USP31: variants seen among roughly 807,000 people sequenced by gnomAD.
The protein encoded by USP31 is ubiquitin specific peptidase 31.
In USP31, 44 loss-of-function variants were observed where a neutral mutation model predicts 119.4. The observed-to-expected ratio is 0.37, with a 90% CI of 0.29 to 0.47. The LOEUF (loss-of-function observed/expected upper bound fraction) is 0.47, where lower values mean the gene tolerates loss of function less well. Among genes scored for constraint, USP31 ranks in the 20% least tolerant of loss-of-function variants. The probability of loss-of-function intolerance (pLI) is 0.99; values close to 1 mark genes in which losing one functional copy is unlikely to be tolerated. For synonymous variants in USP31, 749 were observed against 705.6 expected (o/e 1.06, Z -0.97); for missense variants, 1,643 against 1,730.2 (o/e 0.95, Z 0.89).
chr16:23,084,958 G>C lies in USP31; in HGVS notation c.1732C>G (p.Pro578Ala), dbSNP rs373026274. 37 of 1,613,896 alleles carry C rather than the reference G, an allele frequency of 2.3e-5. No individual in the cohort carries two copies. Among genetic ancestry groups the C allele is most frequent in the Non-Finnish European group, 2.2e-5 (26 of 1,180,008 alleles). Reference protein sequence around the residue: ...LFVNTEDEYIPDAESVRLQRE... With the variant: ...LFVNTEDEYIADAESVRLQRE... ...TGCAGACGAACACTTTCTGCATCAG[G>C]AATATACTCATCCTCAGTATTTACA... Residue 578 changes from proline to alanine, a missense_variant, in exon 11 of 16, where the codon CCT (proline) becomes GCT (alanine). Physicochemically the swap from Pro to Ala is conservative, Grantham distance 27. Around this residue, in one of 5 missense-constraint regions of USP31, gnomAD observed 279 missense variants for 372.2 expected, o/e 0.75. Coordinates refer to ENST00000219689, the MANE Select transcript of USP31 (RefSeq NM_020718.4).
chr16:23,093,705 G>T (rs564370973), intron 6 of USP31, among the ~76,000 whole-genome samples: 1 of 152,108 alleles, frequency 6.6e-6, no homozygotes, highest in East Asian at 1.9e-4. Context: ...CTGAAAACAG[G>T]TATTCAAACA....
chr16:23,062,618 TCA>T lies in USP31; in HGVS notation c.*5426_*5427del, dbSNP rs1297540496. The T allele has an allele frequency of 1.3e-5, 2 of 152,440 alleles. No homozygotes were observed. The highest frequency in any genetic ancestry group is 2.9e-5 in the Non-Finnish European group (2 of 68,026). 9.4% of individuals were successfully genotyped at this position (152,440 alleles called of 1,614,324 possible). ...CTTTTCTTCTTCGACAATTTCTAGC[TCA>T]GAGTGACTTCCCTATTCCCCCACGG... On this transcript the variant is annotated 3_prime_UTR_variant, in exon 16 of 16. Coordinates refer to ENST00000219689, the MANE Select transcript of USP31 (RefSeq NM_020718.4).
intron 1 of USP31, among the ~76,000 whole-genome samples, chr16:23,121,194 G>C (rs577752435): frequency 6.6e-6 from 1 of 152,120 alleles, no homozygotes; most frequent in Non-Finnish European, 1.5e-5. Context: ...TAAACCCAGA[G>C]TACTCCCAGT....
intron 1 of USP31, among the ~76,000 whole-genome samples, chr16:23,138,747 T>C (rs1467079954): frequency 6.6e-6 from 1 of 152,016 alleles, no homozygotes; most frequent in Non-Finnish European, 1.5e-5. Context: ...TTTGCTGCCC[T>C]GCAAAGGACT....
chr16:23,084,803 G>GCCATGCC, intron 11 of USP31, 57 bp downstream of exon 11: 1 of 1,599,718 alleles, frequency 6.3e-7, no homozygotes, highest in Non-Finnish European at 8.5e-7. Context: ...CTATCACCTT[G>GCCATGCC]CCATGCCCCA....
chr16:23,089,229 C>T (rs1416322909), intron 7 of USP31, among the ~76,000 whole-genome samples: 3 of 152,188 alleles, frequency 2.0e-5, no homozygotes, highest in Non-Finnish European at 2.9e-5. Context: ...GTTCACACAG[C>T]ACACTGGGGC....
intron 12 of USP31, among the ~76,000 whole-genome samples, chr16:23,081,085 T>C (rs1053688448): frequency 6.6e-6 from 1 of 152,128 alleles, no homozygotes; most frequent in African/African-American, 2.4e-5. Flanking sequence ...GCACGCTGTC[T>C]GACAGCAAGA....
chr16:23,071,358 A>ATTC (rs1567224568), intron 15 of USP31, among the ~76,000 whole-genome samples: 1 of 150,612 alleles, frequency 6.6e-6, no homozygotes, highest in Admixed American at 6.6e-5. Flanking sequence ...AGCTGCACTC[A>ATTC]CTCCTTCCAG....
chr16:23,079,985 A>C lies in USP31; in HGVS notation c.2137T>G (p.Cys713Gly). ...CCTTGCATGGTGCCATGGTGATTGC[A>C]CACAGCATACAGGTCATAGATGTAG... ...EDYIYDLYAV[C>G]NHHGTMQGGH... The change falls in exon 13 of 16, where the codon TGC (cysteine) becomes GGC (glycine). Residue 713 changes from cysteine to glycine, a missense_variant. Cys to Gly is a radical substitution (Grantham distance 159). Transcript: ENST00000219689. 6.2e-7 allele frequency: 1 copy of C among 1,613,866 alleles called. No homozygotes were observed.
In USP31 at chr16:23,087,771, T is replaced by C. The variant is rs1191312472; in HGVS notation, c.1480A>G (p.Ile494Val). 6.2e-7 allele frequency: 1 copy of C among 1,614,128 alleles called. No individual in the cohort carries two copies. Among genetic ancestry groups the C allele is most frequent in the Admixed American group, 1.7e-5 (1 of 60,016 alleles). The stretch of plus-strand genomic sequence containing the variant: ...AAGAAATACTTCATCTTCTCCAAGA[T>C]TTCCTTCTGCAGAAGGTCCCAAGCT... ...TIAWDLLQKE[I>V]LEKMKYFLRP... Residue 494 changes from isoleucine (I) to valine (V), a missense_variant, in exon 8 of 16, where the codon ATC (isoleucine) becomes GTC (valine). Around this residue, in one of 5 missense-constraint regions of USP31, gnomAD observed 219 missense variants for 226.4 expected, o/e 0.97. Coordinates refer to ENST00000219689, the MANE Select transcript of USP31 (RefSeq NM_020718.4).
intron 1 of USP31, among the ~76,000 whole-genome samples, chr16:23,129,075 T>C (rs1298029693): frequency 2.0e-5 from 3 of 152,212 alleles, no homozygotes; most frequent in African/African-American, 7.2e-5. Context: ...TTTATGTCAC[T>C]TTTCTATTAA....
chr16:23,077,470 CA>C (rs1212474822), intron 13 of USP31, among the ~76,000 whole-genome samples: 15 of 152,120 alleles, frequency 9.9e-5, no homozygotes, highest in African/African-American at 3.4e-4. Context: ...GTAGCAAGGC[CA>C]ACGGACTCCT....
chr16:23,149,393 T>A lies in USP31; in HGVS notation c.-123A>T. On this transcript the variant is annotated 5_prime_UTR_variant, in exon 1 of 16. Transcript: ENST00000219689. ...CCGGGGGCTCGACGCCCCACACACC[T>A]CAAAGCGCAGCCGAGCCAGCGAGCG... The A allele has an allele frequency of 1.0e-6, 1 of 954,044 alleles. No homozygotes were observed. Among genetic ancestry groups the A allele is most frequent in the Non-Finnish European group, 1.2e-6 (1 of 804,730 alleles). 59.1% of individuals were successfully genotyped at this position (954,044 alleles called of 1,614,324 possible). A position where few individuals can be genotyped will look rare whatever the true frequency, so the allele number is the denominator to read the frequency against.
chr16:23,119,801 C>T (rs1402373616), intron 1 of USP31, among the ~76,000 whole-genome samples: 1 of 152,132 alleles, frequency 6.6e-6, no homozygotes, highest in Non-Finnish European at 1.5e-5. Context: ...TATGTCCTGC[C>T]CAAGTGTCCC....
At chr16:23,126,795 A>G (rs781243868) in intron 1 of USP31, among the ~76,000 whole-genome samples, 33 of 152,200 alleles carry the variant, frequency 2.2e-4, no homozygotes, top group Non-Finnish European at 3.4e-4. Context: ...AAGCACTCAT[A>G]CGTTAGCGAC....
rs758206828 is a variant in USP31 at position 23,069,378 on chromosome 16, G to A, written c.2727C>T (p.Ile909=). The change falls in exon 16 of 16, where the codon ATC becomes ATT. Residue 909 remains isoleucine (I), a synonymous_variant. Transcript: ENST00000219689. ...IGEAADDKVS[I]SCFGSLRNLS... Reference sequence around the variant, plus strand: ...GGTTCCGCAAGCTACCAAAGCAAGAGATGGAGACCTTGTCATCTGCTGCCT... The same window carrying A: ...GGTTCCGCAAGCTACCAAAGCAAGAAATGGAGACCTTGTCATCTGCTGCCT... The A allele has an allele frequency of 1.9e-6, 3 of 1,610,056 alleles. No individual in the cohort carries two copies. In the Admixed American group the frequency reaches 5.0e-5, roughly 27 times the overall value.
rs1903639964 is a variant in USP31, at chr16:23,149,158, G to GCCC, written c.112_113insGGG (p.Gly37dup). 1.7e-6 allele frequency: 2 copies of GCCC among 1,171,870 alleles called. No homozygotes were observed. Among genetic ancestry groups the GCCC allele is most frequent in the African/African-American group, 1.7e-5 (1 of 60,546 alleles). The allele number at this position is 1,171,870 out of a possible 1,614,324, so 72.6% of individuals were successfully genotyped here. On this transcript the variant is annotated inframe_insertion, in exon 1 of 16. Coordinates refer to ENST00000219689, the MANE Select transcript of USP31 (RefSeq NM_020718.4). ...CGGCCCGGACGCCCCGGGGCCCCCC[G>GCCC]CGCCGCCGCCGCCAGCGCGGCCGCT...
chr16:23,129,050 C>T (rs961252001), intron 1 of USP31, among the ~76,000 whole-genome samples: 1 of 152,150 alleles, frequency 6.6e-6, no homozygotes, highest in Non-Finnish European at 1.5e-5. Context: ...TGGGGCTGGT[C>T]TTACATATGC....
intron 6 of USP31, among the ~76,000 whole-genome samples, chr16:23,098,898 G>C (rs1281492842): frequency 1.3e-5 from 2 of 152,072 alleles, no homozygotes; most frequent in African/African-American, 4.8e-5. Context: ...GTATCTTTAG[G>C]GACATAGGCA....
Sources: allele counts gnomAD v4.1 joint callset (sites outside exome capture counted in the v4.1 genomes callset), GRCh38; gene constraint gnomAD v4.1.1; regional missense constraint gnomAD v4.1.1; transcripts MANE v1.5; gene names NCBI Gene and HGNC (gene_info 2026-07-23, HGNC 2026-07-21).